Variants in CLNK observed in about 807,000 individuals in gnomAD.
CLNK encodes cytokine dependent hematopoietic cell linker, also known as cytokine-dependent hematopoietic cell linker.
CLNK carries 74 observed loss-of-function variants against 68.6 expected under a neutral mutation model. The ratio of observed to expected loss-of-function variants is 1.08; its 90% CI spans 0.89 to 1.31. The LOEUF is 1.31. CLNK is among the 50% of genes most tolerant of loss of function. The probability of loss-of-function intolerance (pLI) is 0.00; values close to 1 mark genes in which losing one functional copy is unlikely to be tolerated. For synonymous variants in CLNK, 198 were observed against 172.2 expected, an observed-to-expected ratio of 1.15 and a Z score of -1.17; for missense variants, 553 against 515.3, an observed-to-expected ratio of 1.07 and a Z score of -0.71.
chr4:10,575,606 T>A (rs1345331745), intron 4 of CLNK, among the ~76,000 whole-genome samples: 1 of 152,244 alleles, frequency 6.6e-6, no homozygotes, highest in Admixed American at 6.5e-5. Flanking sequence ...TCCCCTGCAC[T>A]GGGCAGGTGG....
At chr4:10,730,259 C>T in the CLNK span, among the ~76,000 whole-genome samples, 1 of 152,140 alleles carries the variant, frequency 6.6e-6, no homozygotes, top group South Asian at 2.1e-4. Context: ...TGGTGTGGTG[C>T]TCCTGCAGTT....
chr4:10,643,832 C>A (rs7666659), intron 2 of CLNK, among the ~76,000 whole-genome samples: 192 of 152,316 alleles, frequency 1.3e-3, no homozygotes, highest in African/African-American at 4.1e-3. Flanking sequence ...ATCTTATGTT[C>A]CTCAATTATT....
In CLNK at chr4:10,501,251, C is replaced by T. The variant is rs745543930; in HGVS notation, c.1140+5G>A. On this transcript the variant is annotated splice_donor_5th_base_variant and intron_variant, in intron 18 of 18. Transcript: ENST00000226951. ...GGAACAGGGAGGCTGTTAAGTTATA[C>T]CCACCTCATCTCCTCTGAGTCCTGT... 2 of 1,562,800 alleles carry T rather than the reference C, an allele frequency of 1.3e-6. No homozygotes were observed. The highest frequency in any genetic ancestry group is 1.7e-6 in the Non-Finnish European group (2 of 1,162,880).
intron 8 of CLNK, 122 bp from the exon 9 acceptor site, chr4:10,542,402 TTTG>T: frequency 1.4e-6 from 1 of 696,236 alleles, no homozygotes; most frequent in Non-Finnish European, 2.4e-6. Flanking sequence ...TCAGTTAATA[TTTG>T]CTGAGATCAT....
At chr4:10,597,213 CT>C (rs1721418059) in intron 3 of CLNK, among the ~76,000 whole-genome samples, 1 of 152,182 alleles carries the variant, frequency 6.6e-6, no homozygotes, top group Non-Finnish European at 1.5e-5. Flanking sequence ...ATTGATAGAA[CT>C]TGTGAGGACC....
intron 8 of CLNK, among the ~76,000 whole-genome samples, chr4:10,558,184 C>T (rs919117378): frequency 5.9e-5 from 9 of 152,016 alleles, no homozygotes; most frequent in Non-Finnish European, 8.8e-5. Context: ...ACAAAGAATA[C>T]GAATTTTTAC....
chr4:10,655,560 C>T (rs1723942530), intron 2 of CLNK, among the ~76,000 whole-genome samples: 1 of 151,446 alleles, frequency 6.6e-6, no homozygotes, highest in East Asian at 1.9e-4. Context: ...CAAAGAAAAC[C>T]TAGAAAAGAT....
At chr4:10,560,341 C>G (rs6856457) in intron 7 of CLNK, among the ~76,000 whole-genome samples, 1 of 152,222 alleles carries the variant, frequency 6.6e-6, no homozygotes, top group Admixed American at 6.5e-5. Context: ...TAGGGCAAGA[C>G]AGTTGTCAAG....
intron 2 of CLNK, among the ~76,000 whole-genome samples, chr4:10,654,899 G>A (rs1403752733): frequency 6.6e-6 from 1 of 151,966 alleles, no homozygotes; most frequent in Non-Finnish European, 1.5e-5. Flanking sequence ...TCAGGAGATC[G>A]AGATCATCCT....
the CLNK span, among the ~76,000 whole-genome samples, chr4:10,689,846 C>A: frequency 1.4e-5 from 2 of 143,590 alleles, no homozygotes; most frequent in African/African-American, 2.6e-5. Context: ...ACATTGGTGC[C>A]TTGGGCAGTT....
At chr4:10,618,641 T>C (rs1004645643) in intron 2 of CLNK, among the ~76,000 whole-genome samples, 3 of 152,224 alleles carry the variant, frequency 2.0e-5, no homozygotes, top group Non-Finnish European at 4.4e-5. Context: ...ACGGGAAGCA[T>C]AGCTGCTTCT....
intron 15 of CLNK, among the ~76,000 whole-genome samples, chr4:10,520,182 C>A (rs536363583): frequency 6.6e-6 from 1 of 152,270 alleles, no homozygotes; most frequent in South Asian, 2.1e-4. Flanking sequence ...AGTATCAACA[C>A]CCACCACTAA....
At chr4:10,670,360 T>C (rs938585956) in intron 1 of CLNK, among the ~76,000 whole-genome samples, 4 of 152,248 alleles carry the variant, frequency 2.6e-5, no homozygotes, top group African/African-American at 4.8e-5. Flanking sequence ...CACTTAATGA[T>C]AGCTGCTTAT....
intron 3 of CLNK, among the ~76,000 whole-genome samples, chr4:10,589,002 A>G (rs755098424): frequency 6.6e-6 from 1 of 152,216 alleles, no homozygotes; most frequent in Non-Finnish European, 1.5e-5. Flanking sequence ...TAAGTCCTCA[A>G]GATATACTGG....
At chr4:10,696,975 G>T in the CLNK span, 5 of 152,106 alleles carry the variant, frequency 3.3e-5, no homozygotes, top group African/African-American at 9.7e-5. Flanking sequence ...AATTCTCCTG[G>T]TGATTCTTAT....
At chr4:10,692,756 A>G in the CLNK span, among the ~76,000 whole-genome samples, 2 of 152,178 alleles carry the variant, frequency 1.3e-5, no homozygotes, top group Non-Finnish European at 2.9e-5. Context: ...GGAATGATAA[A>G]ACCTCCGTGA....
the CLNK span, among the ~76,000 whole-genome samples, chr4:10,720,317 C>A: frequency 5.1e-4 from 77 of 151,916 alleles, no homozygotes; most frequent in African/African-American, 1.8e-3. Context: ...TGACAAAAAA[C>A]GAACACAAAT....
At chr4:10,661,540 T>A (rs1031934899) in intron 2 of CLNK, among the ~76,000 whole-genome samples, 2 of 152,224 alleles carry the variant, frequency 1.3e-5, no homozygotes, top group African/African-American at 4.8e-5. Context: ...TATGGAATGC[T>A]GTTTTAGTGC....
intron 2 of CLNK, among the ~76,000 whole-genome samples, chr4:10,620,212 C>T (rs1440625942): frequency 1.3e-5 from 2 of 152,158 alleles, no homozygotes; most frequent in Non-Finnish European, 2.9e-5. Flanking sequence ...AATCTGGAAA[C>T]GGGAAGCTGT....
Sources: allele counts gnomAD v4.1 joint callset (sites outside exome capture counted in the v4.1 genomes callset), GRCh38; gene constraint gnomAD v4.1.1; transcripts MANE v1.5; gene names NCBI Gene and HGNC (gene_info 2026-07-23, HGNC 2026-07-21).